AP2B1: variants seen among roughly 807,000 people sequenced by gnomAD.
AP2B1 encodes AP-2 complex subunit beta.
AP2B1 carries 23 observed loss-of-function variants against 102.0 expected under a neutral mutation model. The ratio of observed to expected loss-of-function variants is 0.23; its 90% CI spans 0.16 to 0.32. The LOEUF (loss-of-function observed/expected upper bound fraction) is 0.32, where lower values mean the gene tolerates loss of function less well. Among genes scored for constraint, AP2B1 ranks in the 10% least tolerant of loss-of-function variants. The probability of loss-of-function intolerance (pLI) is 1.00; values close to 1 mark genes in which losing one functional copy is unlikely to be tolerated. For missense variants in AP2B1, 541 were observed against 1,157.4 expected (o/e 0.47, Z 7.73); for synonymous variants, 381 against 421.2 (o/e 0.90, Z 1.17).
intron 9 of AP2B1, among the ~76,000 whole-genome samples, chr17:35,629,951 G>T (rs942130755): frequency 2.0e-5 from 3 of 152,184 alleles, no homozygotes; most frequent in Non-Finnish European, 4.4e-5. Flanking sequence ...TCTGTTCACT[G>T]TTTTTATGGG....
At chr17:35,687,252 C>T (rs899246667) in intron 18 of AP2B1, among the ~76,000 whole-genome samples, 19 of 152,132 alleles carry the variant, frequency 1.2e-4, no homozygotes, top group African/African-American at 4.6e-4. Flanking sequence ...GCTGGGACCA[C>T]AGGAGCACAC....
At chr17:35,601,031 T>C (rs1464572097) in intron 3 of AP2B1, 2 of 984,142 alleles carry the variant, frequency 2.0e-6, no homozygotes, top group Non-Finnish European at 2.4e-6. Flanking sequence ...TGTGACCATC[T>C]ATCTAAGGAG....
At chr17:35,648,743 A>AGTGTGTGTGTGTGTGT (rs10668040) in intron 12 of AP2B1, among the ~76,000 whole-genome samples, 17 of 148,590 alleles carry the variant, frequency 1.1e-4, no homozygotes, top group African/African-American at 3.0e-4. Flanking sequence ...ATATGAAATA[A>AGTGTGTGTGTGTGTGT]GTGTGTGTGT....
intron 13 of AP2B1, among the ~76,000 whole-genome samples, chr17:35,651,907 C>T (rs1440332580): frequency 1.3e-5 from 2 of 152,152 alleles, no homozygotes; most frequent in African/African-American, 2.4e-5. Context: ...GACTATTTAA[C>T]TTCTAAGAAT....
At chr17:35,660,897 T>C (rs1258900332) in intron 14 of AP2B1, among the ~76,000 whole-genome samples, 1 of 152,346 alleles carries the variant, frequency 6.6e-6, no homozygotes, top group African/African-American at 2.4e-5. Context: ...AAGCTCTTTC[T>C]TTTGCCCTGT....
At chr17:35,612,057 G>A (rs992791900) in intron 5 of AP2B1, among the ~76,000 whole-genome samples, 1 of 152,160 alleles carries the variant, frequency 6.6e-6, no homozygotes, top group Non-Finnish European at 1.5e-5. Context: ...CTCATATTTT[G>A]TTGTCTCTTT....
Position 35,674,331 on chromosome 17 carries a change from C to G in AP2B1, c.2324+10C>G. ...AGTTTAACAAAAATAGGTAAGCAAT[C>G]TGGGTCCCTAGCTTGATGTTGAGAC... On this transcript the variant is annotated intron_variant, in intron 17 of 21. Coordinates refer to ENST00000610402, the MANE Select transcript of AP2B1 (RefSeq NM_001030006.2). The G allele has an allele frequency of 6.2e-7, 1 of 1,613,840 alleles. No individual in the cohort carries two copies.
At chr17:35,624,630 T>G (rs757782289) in intron 6 of AP2B1, 43 bp downstream of exon 6, 30 of 1,577,034 alleles carry the variant, frequency 1.9e-5, no homozygotes, top group Non-Finnish European at 2.5e-5. Context: ...TCTTGCCTGA[T>G]GCAGTAAGTT....
chr17:35,703,510 T>A (rs1200637723), intron 18 of AP2B1, among the ~76,000 whole-genome samples: 7 of 152,104 alleles, frequency 4.6e-5, no homozygotes, highest in Non-Finnish European at 1.0e-4. Context: ...TAAAAAAGAA[T>A]GAGATCATGT....
chr17:35,685,445 C>T (rs1241751495), intron 18 of AP2B1, among the ~76,000 whole-genome samples: 1 of 152,048 alleles, frequency 6.6e-6, no homozygotes, highest in Non-Finnish European at 1.5e-5. Context: ...AAAGATTGAT[C>T]TAGCTTTTAA....
chr17:35,599,853 T>C (rs567432398), intron 3 of AP2B1, among the ~76,000 whole-genome samples: 1 of 152,058 alleles, frequency 6.6e-6, no homozygotes, highest in African/African-American at 2.4e-5. Flanking sequence ...GAGGTTGCAG[T>C]GAGCCAGGAT....
At chr17:35,707,476 A>C (rs1281193346) in intron 18 of AP2B1, among the ~76,000 whole-genome samples, 1 of 107,660 alleles carries the variant, frequency 9.3e-6, no homozygotes, top group Non-Finnish European at 1.8e-5. Flanking sequence ...TTTTTTTGAC[A>C]GAGTCTTGCT....
chr17:35,708,320 C>T (rs2076383889), intron 18 of AP2B1, among the ~76,000 whole-genome samples: 1 of 152,126 alleles, frequency 6.6e-6, no homozygotes, highest in East Asian at 1.9e-4. Context: ...GAGCAAGTCT[C>T]CTCCTACTCC....
intron 13 of AP2B1, among the ~76,000 whole-genome samples, chr17:35,652,371 T>C (rs1319670168): frequency 2.0e-5 from 3 of 152,198 alleles, no homozygotes; most frequent in Non-Finnish European, 2.9e-5. Flanking sequence ...ACACCTCTCA[T>C]AGGAAACAAA....
intron 18 of AP2B1, among the ~76,000 whole-genome samples, chr17:35,683,206 C>A (rs773133159): frequency 2.0e-4 from 31 of 152,176 alleles, no homozygotes; most frequent in Middle Eastern, 3.4e-3. Flanking sequence ...TAAAAAAGTC[C>A]CTCTTTCTTC....
chr17:35,648,742 A>G (rs886807179), intron 12 of AP2B1, among the ~76,000 whole-genome samples: 13 of 46,066 alleles, frequency 2.8e-4, no homozygotes, highest in Admixed American at 4.7e-4. Flanking sequence ...TATATGAAAT[A>G]AGTGTGTGTG....
intron 14 of AP2B1, among the ~76,000 whole-genome samples, chr17:35,661,768 T>A (rs1160990418): frequency 6.6e-6 from 1 of 152,230 alleles, no homozygotes; most frequent in African/African-American, 2.4e-5. Context: ...ATTCTTCCTT[T>A]TTCATAGCCT....
chr17:35,686,752 C>T lies in AP2B1; in HGVS notation c.2454+3928C>T, dbSNP rs2075941212. ...GGCTGAGGTGGGCGGATCACGAGGTCAGGAGATCGAGACCATCCTGGCTAA... is the reference window on the plus strand; with the variant it reads ...GGCTGAGGTGGGCGGATCACGAGGTTAGGAGATCGAGACCATCCTGGCTAA... On this transcript the variant is annotated intron_variant, in intron 18 of 21. Transcript: ENST00000610402. 2.0e-5 allele frequency among the ~76,000 whole-genome samples: 3 copies of T among 152,180 alleles called. No homozygotes were observed. The South Asian group carries it at 6.2e-4, about 32-fold the overall frequency.
At chr17:35,681,146 G>A (rs2075815660) in intron 17 of AP2B1, among the ~76,000 whole-genome samples, 2 of 152,118 alleles carry the variant, frequency 1.3e-5, no homozygotes. Flanking sequence ...AAAACTGGTA[G>A]CTATTCATTG....
Sources: allele counts gnomAD v4.1 joint callset (sites outside exome capture counted in the v4.1 genomes callset), GRCh38; gene constraint gnomAD v4.1.1; transcripts MANE v1.5; gene names NCBI Gene and HGNC (gene_info 2026-07-23, HGNC 2026-07-21).